The following PEBP4 variants were observed in gnomAD, a reference collection of about 807,000 sequenced individuals.
PEBP4 encodes the protein phosphatidylethanolamine-binding protein 4.
A neutral mutation model predicts 23.9 loss-of-function variants in PEBP4; 22 were observed. That is an observed-to-expected ratio of 0.92 (90% confidence interval 0.66 to 1.31). PEBP4 has a LOEUF of 1.31. Ranked by LOEUF, PEBP4 falls within the 40% of genes most tolerant of loss-of-function variation. The pLI is 0.00. For synonymous variants in PEBP4, 112 were observed against 99.3 expected, an observed-to-expected ratio of 1.13 and a Z score of -0.76; for missense variants, 324 against 281.7, an observed-to-expected ratio of 1.15 and a Z score of -1.07.
At chr8:22,758,075 C>T (rs1805429589) in intron 4 of PEBP4, 1 of 152,252 alleles carries the variant, frequency 6.6e-6, no homozygotes, top group Non-Finnish European at 1.5e-5. Flanking sequence ...GGGACTCTAA[C>T]TCCATGAAAG....
intron 3 of PEBP4, among the ~76,000 whole-genome samples, chr8:22,824,002 T>C (rs1806914364): frequency 6.6e-6 from 1 of 152,136 alleles, no homozygotes; most frequent in African/African-American, 2.4e-5. Context: ...GTAGAAACAA[T>C]GGGTAGATCT....
chr8:22,719,440 C>T (rs1044860087), intron 6 of PEBP4, among the ~76,000 whole-genome samples: 1 of 152,160 alleles, frequency 6.6e-6, no homozygotes, highest in Non-Finnish European at 1.5e-5. Context: ...GACCGCAGCT[C>T]CCCAGGATTC....
intron 3 of PEBP4, among the ~76,000 whole-genome samples, chr8:22,881,813 T>G (rs1222199339): frequency 6.6e-6 from 1 of 152,234 alleles, no homozygotes; most frequent in Admixed American, 6.5e-5. Flanking sequence ...GCTCCATTAC[T>G]ACTTGTGTGG....
chr8:22,849,039 G>T (rs773092454), intron 3 of PEBP4, among the ~76,000 whole-genome samples: 9 of 152,192 alleles, frequency 5.9e-5, no homozygotes, highest in Non-Finnish European at 1.0e-4. Context: ...GCAACCCCCA[G>T]CCTCTGTCCC....
intron 4 of PEBP4, among the ~76,000 whole-genome samples, chr8:22,806,614 C>CAAAA (rs55944201): frequency 1.0e-4 from 9 of 85,880 alleles, no homozygotes; most frequent in African/African-American, 3.3e-4. Flanking sequence ...GACTGTGTCT[C>CAAAA]AAAAAAAAAA....
intron 3 of PEBP4, among the ~76,000 whole-genome samples, chr8:22,899,957 C>T (rs1023221793): frequency 6.6e-6 from 1 of 152,086 alleles, no homozygotes; most frequent in Non-Finnish European, 1.5e-5. Context: ...AGGAGCATAG[C>T]ACAAAGAAAG....
chr8:22,724,921 A>G lies in PEBP4; in HGVS notation c.439T>C (p.Phe147Leu). 1.2e-6 allele frequency: 2 copies of G among 1,614,142 alleles called. No homozygotes were observed. The highest frequency in any genetic ancestry group is 1.7e-6 in the Non-Finnish European group (2 of 1,180,034). Residue 147 changes from phenylalanine (F) to leucine (L), a missense_variant, in exon 6 of 7, where the codon TTC becomes CTC. Phe to Leu is a conservative substitution (Grantham distance 22, BLOSUM62 0). Coordinates refer to ENST00000256404, the MANE Select transcript of PEBP4 (RefSeq NM_144962.3). ...QAPSPPAHSGFHRYQFFVYLQ... is the reference protein window; with the variant it reads ...QAPSPPAHSGLHRYQFFVYLQ... ...TAGACAAAGAACTGGTAGCGATGGA[A>G]GCCACTGTGTGCCGGTGGGGAGGGA...
upstream of PEBP4, among the ~76,000 whole-genome samples, chr8:22,929,267 C>A (rs1809415959): frequency 6.6e-6 from 1 of 152,204 alleles, no homozygotes; most frequent in Non-Finnish European, 1.5e-5. Flanking sequence ...ACGTGCCTGC[C>A]CCATGTTGGG....
intron 3 of PEBP4, among the ~76,000 whole-genome samples, chr8:22,903,740 C>T (rs759054234): frequency 5.3e-5 from 8 of 152,240 alleles, no homozygotes; most frequent in Non-Finnish European, 1.0e-4. Context: ...GAGAAGCATT[C>T]GCAAATGGCA....
intron 3 of PEBP4, among the ~76,000 whole-genome samples, chr8:22,850,412 T>C (rs977385173): frequency 1.3e-5 from 2 of 152,202 alleles, no homozygotes; most frequent in Non-Finnish European, 2.9e-5. Context: ...AGGGGCTTCT[T>C]GGAGCAAGCT....
At chr8:22,808,902 T>C (rs1806557535) in intron 4 of PEBP4, among the ~76,000 whole-genome samples, 2 of 152,336 alleles carry the variant, frequency 1.3e-5, no homozygotes, top group Admixed American at 6.5e-5. Context: ...GAGAGCGGTG[T>C]GGGTCAGACA....
chr8:22,904,947 ACATAAATTTT>A (rs1360921607), intron 3 of PEBP4, among the ~76,000 whole-genome samples: 10 of 152,294 alleles, frequency 6.6e-5, no homozygotes, highest in Non-Finnish European at 1.0e-4. Flanking sequence ...ACATCCTTTT[ACATAAATTTT>A]TATGTGTTTC....
intron 3 of PEBP4, among the ~76,000 whole-genome samples, chr8:22,876,289 C>T (rs928451817): frequency 3.9e-5 from 6 of 152,180 alleles, no homozygotes; most frequent in Non-Finnish European, 7.3e-5. Flanking sequence ...ACAACGGTGG[C>T]GTGTCTACTG....
intron 6 of PEBP4, among the ~76,000 whole-genome samples, chr8:22,721,058 G>A (rs1013585598): frequency 6.6e-5 from 10 of 152,202 alleles, no homozygotes; most frequent in African/African-American, 2.2e-4. Context: ...AAGTGGGGTA[G>A]CTCTAAGCCC....
chr8:22,924,721 T>G, intron 2 of PEBP4: 1 of 985,252 alleles, frequency 1.0e-6, no homozygotes, highest in Non-Finnish European at 1.2e-6. Context: ...CAGGTGGGGT[T>G]TTTTGAGTGG....
rs552684200 is a variant in PEBP4 at position 22,846,156 on chromosome 8, C to T, written c.259-28421G>A. Among the ~76,000 whole-genome samples the T allele has an allele frequency of 3.3e-4, 50 of 152,326 alleles. 1 individual carries two copies. Among genetic ancestry groups the T allele is most frequent in the Non-Finnish European group, 4.1e-4 (28 of 68,028 alleles). On this transcript the variant is annotated intron_variant, in intron 3 of 6. Coordinates refer to ENST00000256404, the MANE Select transcript of PEBP4 (RefSeq NM_144962.3). The stretch of plus-strand genomic sequence containing the variant: ...AATGCCACCCTGCATACACTGTGTG[C>T]ACAGATCAGGGCATCTGTCTCCCTC...
intron 4 of PEBP4, among the ~76,000 whole-genome samples, chr8:22,797,715 C>G (rs1330498483): frequency 6.6e-6 from 1 of 152,164 alleles, no homozygotes; most frequent in Non-Finnish European, 1.5e-5. Context: ...GGAAGAGAGT[C>G]TTGCTGCTAT....
At chr8:22,762,674 C>T (rs1471947886) in intron 4 of PEBP4, among the ~76,000 whole-genome samples, 1 of 152,168 alleles carries the variant, frequency 6.6e-6, no homozygotes, top group African/African-American at 2.4e-5. Flanking sequence ...AGAATTACTT[C>T]TCCGTAAGTG....
chr8:22,913,787 C>T (rs951851119), intron 3 of PEBP4, among the ~76,000 whole-genome samples: 1 of 152,156 alleles, frequency 6.6e-6, no homozygotes, highest in Non-Finnish European at 1.5e-5. Context: ...TGACACTGCC[C>T]TTTTATTGGC....
Sources: allele counts gnomAD v4.1 joint callset (sites outside exome capture counted in the v4.1 genomes callset), GRCh38; gene constraint gnomAD v4.1.1; transcripts MANE v1.5; gene names NCBI Gene and HGNC (gene_info 2026-07-23, HGNC 2026-07-21).